Variants in OBI1 observed in about 807,000 individuals in gnomAD.
The protein encoded by OBI1 is ring finger protein 219.
OBI1 carries 59 observed loss-of-function variants against 62.4 expected under a neutral mutation model. That is an observed-to-expected ratio of 0.95 (90% confidence interval 0.77 to 1.17). OBI1 has a LOEUF of 1.17. Ranked by LOEUF, OBI1 falls within the 50% of genes most tolerant of loss-of-function variation. The pLI, the probability that OBI1 is intolerant of heterozygous loss-of-function variation, is 0.00. For synonymous variants in OBI1, 302 were observed against 292.8 expected, an observed-to-expected ratio of 1.03 and a Z score of -0.32; for missense variants, 875 against 830.9, an observed-to-expected ratio of 1.05 and a Z score of -0.65.
intron 5 of OBI1, among the ~76,000 whole-genome samples, chr13:78,627,756 T>C (rs923699182): frequency 5.3e-5 from 8 of 152,374 alleles, no homozygotes; most frequent in East Asian, 1.9e-4. Context: ...TGTATCTTTA[T>C]AGAAGATTTA....
chr13:78,623,447 T>C (rs2296501), intron 5 of OBI1, among the ~76,000 whole-genome samples: 39,012 of 151,952 alleles, frequency 0.26, 5,364 homozygotes, highest in East Asian at 0.36. Flanking sequence ...ATATGCTTGA[T>C]ATATATTATC....
At chr13:78,641,112 A>G (rs1323273860) in intron 3 of OBI1, among the ~76,000 whole-genome samples, 3 of 152,200 alleles carry the variant, frequency 2.0e-5, no homozygotes, top group Non-Finnish European at 4.4e-5. Flanking sequence ...TGAGGTTGTT[A>G]AAAATTCTGC....
At chr13:78,652,972 T>C (rs1190190335) in intron 1 of OBI1, among the ~76,000 whole-genome samples, 1 of 152,146 alleles carries the variant, frequency 6.6e-6, no homozygotes, top group South Asian at 2.1e-4. Flanking sequence ...GGGGCAGATA[T>C]ATTAACCTTA....
chr13:78,650,921 G>A (rs1232018491), intron 1 of OBI1, among the ~76,000 whole-genome samples: 4 of 152,158 alleles, frequency 2.6e-5, no homozygotes, highest in Non-Finnish European at 5.9e-5. Flanking sequence ...CTACAACAGA[G>A]CTATCTCTGA....
Position 78,633,972 on chromosome 13 carries a change from CAGG to C in OBI1, c.638+1135_638+1137del, listed in dbSNP as rs371929585. On this transcript the variant is annotated intron_variant, in intron 5 of 5. Transcript: ENST00000282003. ...GTCCCAGCTATTCGGGAGGCTGAGGCAGGAGAATGGCGTAAACCCCGGGGGGCG... is the reference window on the plus strand; with the variant it reads ...GTCCCAGCTATTCGGGAGGCTGAGGCAGAATGGCGTAAACCCCGGGGGGCG... Among the ~76,000 whole-genome samples, 27 of 151,748 alleles carry C rather than the reference CAGG, an allele frequency of 1.8e-4. 1 individual carries two copies. In the South Asian group the frequency reaches 5.6e-3, roughly 32 times the overall value.
At chr13:78,619,017 T>C (rs991542532) in intron 5 of OBI1, among the ~76,000 whole-genome samples, 2 of 152,194 alleles carry the variant, frequency 1.3e-5, no homozygotes, top group African/African-American at 4.8e-5. Context: ...GTTTATTTAA[T>C]GCCAATAAGC....
intron 1 of OBI1, among the ~76,000 whole-genome samples, chr13:78,654,902 A>G (rs1041857115): frequency 6.6e-6 from 1 of 151,294 alleles, no homozygotes; most frequent in Non-Finnish European, 1.5e-5. Flanking sequence ...ATTCCAGTCC[A>G]CCTACATTCC....
intron 1 of OBI1, among the ~76,000 whole-genome samples, chr13:78,650,743 CAAA>C (rs749761411): frequency 3.1e-5 from 4 of 128,474 alleles, no homozygotes; most frequent in Admixed American, 8.0e-5. Flanking sequence ...AGCAATCCCT[CAAA>C]AAAAAAAAAA....
rs1395602558 is a variant in OBI1 at position 78,635,158 on chromosome 13, C to T, written c.590G>A (p.Arg197Lys). 3.1e-6 allele frequency: 5 copies of T among 1,610,872 alleles called. No individual in the cohort carries two copies. The South Asian group carries it at 5.5e-5, about 18-fold the overall frequency. ...TTCAGCCTTCAGTCGTAAATTCTCC[C>T]TCACCAGACCACCATTTTCCAATTT... ...KLKLENGGLV[R>K]ENLRLKAEVD... The change falls in exon 5 of 6, where the codon AGG becomes AAG. Residue 197 changes from arginine to lysine, a missense_variant. Physicochemically the swap from Arg to Lys is conservative, Grantham distance 26. Coordinates refer to ENST00000282003, the MANE Select transcript of OBI1 (RefSeq NM_024546.4).
At chr13:78,653,262 A>G (rs1307712782) in intron 1 of OBI1, among the ~76,000 whole-genome samples, 1 of 152,206 alleles carries the variant, frequency 6.6e-6, no homozygotes, top group Non-Finnish European at 1.5e-5. Flanking sequence ...TCTGGCTAGC[A>G]GCATCCCTGG....
intron 5 of OBI1, among the ~76,000 whole-genome samples, chr13:78,632,485 T>C (rs901181305): frequency 3.3e-5 from 5 of 152,168 alleles, no homozygotes; most frequent in African/African-American, 4.8e-5. Context: ...GCTCAACTTG[T>C]AGGATACATT....
At chr13:78,658,160 C>A (rs548204864) in intron 1 of OBI1, among the ~76,000 whole-genome samples, 2 of 152,220 alleles carry the variant, frequency 1.3e-5, no homozygotes, top group South Asian at 4.1e-4. Context: ...GCTCAGTCTG[C>A]GCTGGGGGGT....
chr13:78,617,023 A>G lies in OBI1; in HGVS notation c.738T>C (p.Tyr246=), dbSNP rs1250095529. The G allele has an allele frequency of 1.9e-6, 3 of 1,614,110 alleles. No individual in the cohort carries two copies. Among genetic ancestry groups the G allele is most frequent in the Middle Eastern group, 1.6e-4 (1 of 6,062 alleles). The change falls in exon 6 of 6, where the codon TAT becomes TAC. Residue 246 remains tyrosine, a synonymous_variant. Coordinates refer to ENST00000282003, the MANE Select transcript of OBI1 (RefSeq NM_024546.4). The stretch of plus-strand genomic sequence containing the variant: ...CAACTTGAGATTCTAGTTCCTCTAT[A>G]TACTTATCACTTCGTTCCAGGGCTT... ...LKKALERSDK[Y]IEELESQVAQ... is the part of the protein sequence containing the mutation.
At chr13:78,653,453 T>C (rs542996872) in intron 1 of OBI1, among the ~76,000 whole-genome samples, 1 of 152,352 alleles carries the variant, frequency 6.6e-6, no homozygotes. Context: ...CCATTTTCAG[T>C]TGTGGAAACT....
chr13:78,645,557 C>T (rs1876355189), intron 1 of OBI1, among the ~76,000 whole-genome samples: 1 of 150,298 alleles, frequency 6.7e-6, no homozygotes, highest in Non-Finnish European at 1.5e-5. Context: ...ATCTAAACAG[C>T]AAACAATGCA....
Position 78,642,126 on chromosome 13 carries a change from T to C in OBI1, c.296A>G (p.Tyr99Cys). Residue 99 changes from tyrosine to cysteine, a missense_variant, in exon 3 of 6, where the codon TAT (tyrosine) becomes TGT (cysteine). Coordinates refer to ENST00000282003, the MANE Select transcript of OBI1 (RefSeq NM_024546.4). Reference protein sequence around the residue: ...KTRLELLHKEYEDEIDCLQKE... With the variant: ...KTRLELLHKECEDEIDCLQKE... Reference sequence around the variant, plus strand: ...TAAACTTTGATTACTGTTTACCTCATATTCTTTGTGTAGTAATTCAAGTCT... The same window carrying C: ...TAAACTTTGATTACTGTTTACCTCACATTCTTTGTGTAGTAATTCAAGTCT... 6.3e-7 allele frequency: 1 copy of C among 1,576,880 alleles called. No homozygotes were observed.
chr13:78,655,358 G>A (rs1876669572), intron 1 of OBI1, among the ~76,000 whole-genome samples: 1 of 152,020 alleles, frequency 6.6e-6, no homozygotes, highest in African/African-American at 2.4e-5. Context: ...AAAAAAACAG[G>A]GAAGAATAGG....
At position 78,616,772 on chromosome 13, in the gene OBI1, C is replaced by G; in HGVS notation, c.989G>C (p.Ser330Thr). 1 of 1,614,212 alleles carries G rather than the reference C, an allele frequency of 6.2e-7. No homozygotes were observed. Among genetic ancestry groups the G allele is most frequent in the Non-Finnish European group, 8.5e-7 (1 of 1,180,032 alleles). The change falls in exon 6 of 6, where the codon AGT becomes ACT. Residue 330 changes from serine (S) to threonine (T), a missense_variant. By Grantham distance (58) the Ser-to-Thr change is moderately conservative. Transcript: ENST00000282003. Reference sequence around the variant, plus strand: ...ACAGTTAAGGTCTGCTTTGCTGGTACTTTCCTGCCTTGCAGAACTGGTGTC... The same window carrying G: ...ACAGTTAAGGTCTGCTTTGCTGGTAGTTTCCTGCCTTGCAGAACTGGTGTC... Reference protein sequence around the residue: ...LCDTSSARQESTSKADLNCSK... With the variant: ...LCDTSSARQETTSKADLNCSK...
intron 1 of OBI1, among the ~76,000 whole-genome samples, chr13:78,654,003 C>T (rs565202761): frequency 3.4e-4 from 49 of 145,698 alleles, no homozygotes; most frequent in Middle Eastern, 3.6e-3. Context: ...TGGTTCTGGG[C>T]CAGAATTTAG....
Sources: allele counts gnomAD v4.1 joint callset (sites outside exome capture counted in the v4.1 genomes callset), GRCh38; gene constraint gnomAD v4.1.1; transcripts MANE v1.5; gene names NCBI Gene and HGNC (gene_info 2026-07-23, HGNC 2026-07-21).